DSE: variants seen among roughly 807,000 people sequenced by gnomAD.
The protein encoded by DSE is dermatan-sulfate epimerase.
Under a neutral mutation model 84.4 loss-of-function variants are expected in DSE, and 36 were observed. The observed-to-expected ratio is 0.43, with a 90% CI of 0.33 to 0.56. The LOEUF (loss-of-function observed/expected upper bound fraction) is 0.56. Among genes scored for constraint, DSE ranks in the 20% least tolerant of loss-of-function variants. The probability of loss-of-function intolerance (pLI) is 0.06; values close to 1 mark genes in which losing one functional copy is unlikely to be tolerated. For synonymous variants in DSE, 410 were observed against 430.1 expected, an observed-to-expected ratio of 0.95 and a Z score of 0.58; for missense variants, 862 against 1,169.6, an observed-to-expected ratio of 0.74 and a Z score of 3.84.
intron 2 of DSE, among the ~76,000 whole-genome samples, chr6:116,424,593 G>C (rs541002229): frequency 6.6e-6 from 1 of 152,164 alleles, no homozygotes; most frequent in African/African-American, 2.4e-5. Flanking sequence ...AGCATCTGCT[G>C]TGTGCCACAC....
intron 1 of DSE, among the ~76,000 whole-genome samples, chr6:116,374,449 G>A (rs1779799463): frequency 1.3e-5 from 2 of 152,122 alleles, no homozygotes; most frequent in Admixed American, 6.5e-5. Flanking sequence ...TATTTTGAAG[G>A]AGTGGGTAGG....
At chr6:116,371,193 A>G (rs1299281455) in intron 1 of DSE, 72 bp downstream of exon 1, 22 of 985,404 alleles carry the variant, frequency 2.2e-5, no homozygotes, top group Non-Finnish European at 2.5e-5. Flanking sequence ...TCGGGCGGGT[A>G]GCCTTCGGGG....
intron 2 of DSE, among the ~76,000 whole-genome samples, chr6:116,352,862 T>C (rs181212114): frequency 6.6e-6 from 1 of 152,284 alleles, no homozygotes; most frequent in East Asian, 1.9e-4. Context: ...CCCACGTACA[T>C]GCCCCACACG....
At position 116,437,352 on chromosome 6, in the gene DSE, A is replaced by T; in HGVS notation, c.*7A>T. 1 of 1,567,784 alleles carries T rather than the reference A, an allele frequency of 6.4e-7. No homozygotes were observed. ...TTCCCAATCACAGTGTTAGCACTGAAGCTATAAATTACCTGGTCATTTTGT... is the reference window on the plus strand; with the variant it reads ...TTCCCAATCACAGTGTTAGCACTGATGCTATAAATTACCTGGTCATTTTGT... On this transcript the variant is annotated 3_prime_UTR_variant, in exon 6 of 6. Coordinates refer to ENST00000644252, the MANE Select transcript of DSE (RefSeq NM_013352.4).
At chr6:116,327,080 G>A (rs1296031269) in intron 2 of DSE, among the ~76,000 whole-genome samples, 2 of 152,180 alleles carry the variant, frequency 1.3e-5, no homozygotes, top group African/African-American at 2.4e-5. Flanking sequence ...TTCTCCTAGA[G>A]GGAAATTAAG....
chr6:116,300,267 A>G (rs1479318571), intron 2 of DSE, among the ~76,000 whole-genome samples: 1 of 152,234 alleles, frequency 6.6e-6, no homozygotes, highest in Non-Finnish European at 1.5e-5. Context: ...TAAGTTTCAA[A>G]TAGTACATTT....
At chr6:116,361,748 C>T (rs1778903268) in intron 2 of DSE, among the ~76,000 whole-genome samples, 1 of 152,112 alleles carries the variant, frequency 6.6e-6, no homozygotes, top group Non-Finnish European at 1.5e-5. Context: ...ACACATTAAC[C>T]ATCAAATAAA....
rs1259243016 is a variant in DSE at position 116,436,962 on chromosome 6, A to G, written c.2494A>G (p.Asn832Asp). Residue 832 changes from asparagine to aspartate, a missense_variant, in exon 6 of 6, where the codon AAT becomes GAT. Transcript: ENST00000644252. ...TGATATTTTTGCACAGATTGAAGTCAATGAGAAAAAGATTAGACAGAAAGC... is the reference window on the plus strand; with the variant it reads ...TGATATTTTTGCACAGATTGAAGTCGATGAGAAAAAGATTAGACAGAAAGC... Reference protein sequence around the residue: ...VPDIFAQIEVNEKKIRQKAQI... With the variant: ...VPDIFAQIEVDEKKIRQKAQI... The G allele has an allele frequency of 6.2e-7, 1 of 1,613,918 alleles. No individual in the cohort carries two copies. The highest frequency in any genetic ancestry group is 1.3e-5 in the African/African-American group (1 of 74,884).
chr6:116,262,765 T>C (rs772162078), intron 2 of DSE, among the ~76,000 whole-genome samples: 9 of 152,164 alleles, frequency 5.9e-5, no homozygotes, highest in Admixed American at 2.6e-4. Context: ...ATAAATTTCC[T>C]TCTTAACATT....
At chr6:116,351,031 AG>A (rs1303907863) in intron 2 of DSE, among the ~76,000 whole-genome samples, 6 of 152,208 alleles carry the variant, frequency 3.9e-5, no homozygotes, top group Non-Finnish European at 7.3e-5. Flanking sequence ...TTTGTTAAAA[AG>A]CTCCCAAATT....
At chr6:116,325,133 A>G (rs893240239) in intron 2 of DSE, among the ~76,000 whole-genome samples, 1 of 152,210 alleles carries the variant, frequency 6.6e-6, no homozygotes, top group African/African-American at 2.4e-5. Context: ...GTGGCATCAT[A>G]GGAGTCCTTC....
At chr6:116,254,676 G>A (rs916593937) in intron 1 of DSE, among the ~76,000 whole-genome samples, 1 of 152,216 alleles carries the variant, frequency 6.6e-6, no homozygotes, top group Non-Finnish European at 1.5e-5. Context: ...TACAAAACAA[G>A]TGGACAATAT....
At chr6:116,263,213 A>C (rs757745606) in intron 2 of DSE, among the ~76,000 whole-genome samples, 1 of 152,132 alleles carries the variant, frequency 6.6e-6, no homozygotes, top group Non-Finnish European at 1.5e-5. Context: ...TGGTGTGTTA[A>C]AGTCTCCCGC....
Position 116,437,444 on chromosome 6 carries a change from A to T in DSE, c.*99A>T. On this transcript the variant is annotated 3_prime_UTR_variant, in exon 6 of 6. Transcript: ENST00000644252. ...AGATTATCAGATTTTTTTCCCTCAG[A>T]TTCATTTTAACAAATTAAGGGAAGA... 1 of 1,134,646 alleles carries T rather than the reference A, an allele frequency of 8.8e-7. No individual in the cohort carries two copies. The highest frequency in any genetic ancestry group is 1.2e-6 in the Non-Finnish European group (1 of 830,094). The allele number at this position is 1,134,646 out of a possible 1,614,324, so 70.3% of individuals were successfully genotyped here.
intron 2 of DSE, among the ~76,000 whole-genome samples, chr6:116,304,817 CT>C (rs1335379926): frequency 1.3e-5 from 2 of 152,176 alleles, no homozygotes; most frequent in Admixed American, 6.5e-5. Context: ...TACCCCTTGC[CT>C]TTTCCTTAGG....
chr6:116,269,815 C>G (rs1308453636), intron 2 of DSE, among the ~76,000 whole-genome samples: 3 of 152,144 alleles, frequency 2.0e-5, no homozygotes, highest in Non-Finnish European at 2.9e-5. Flanking sequence ...GTCACATTTT[C>G]TGTGAGGAAC....
chr6:116,338,807 A>G (rs912533526), intron 2 of DSE, among the ~76,000 whole-genome samples: 1 of 152,218 alleles, frequency 6.6e-6, no homozygotes, highest in Non-Finnish European at 1.5e-5. Flanking sequence ...CATGTTTATT[A>G]AAACGAAGCA....
intron 2 of DSE, among the ~76,000 whole-genome samples, chr6:116,415,503 A>G (rs1360158211): frequency 6.8e-6 from 1 of 148,098 alleles, no homozygotes; most frequent in African/African-American, 2.5e-5. Context: ...TTTCCTTGAT[A>G]TATTTGGATC....
intron 2 of DSE, among the ~76,000 whole-genome samples, chr6:116,408,775 C>T (rs1317743224): frequency 6.6e-6 from 1 of 152,202 alleles, no homozygotes; most frequent in African/African-American, 2.4e-5. Context: ...CTGCACCTGG[C>T]CTTCTCTCCT....
Sources: gnomAD v4.1 joint callset for allele counts (sites outside exome capture counted in the v4.1 genomes callset) on GRCh38, gnomAD v4.1.1 for gene constraint, MANE v1.5 for transcripts, NCBI Gene and HGNC (gene_info 2026-07-23, HGNC 2026-07-21) for gene names.